Variants in HS3ST4 observed in about 807,000 individuals in gnomAD.
HS3ST4 encodes the protein heparan sulfate glucosamine 3-O-sulfotransferase 4.
HS3ST4 carries 17 observed loss-of-function variants against 29.2 expected under a neutral mutation model. The observed-to-expected ratio is 0.58, with a 90% confidence interval of 0.40 to 0.87. The LOEUF (loss-of-function observed/expected upper bound fraction) is 0.87, where lower values mean the gene tolerates loss of function less well. Among genes scored for constraint, HS3ST4 ranks in the 40% least tolerant of loss-of-function variants. The pLI, the probability that HS3ST4 is intolerant of heterozygous loss-of-function variation, is 0.00. For missense variants in HS3ST4, 627 were observed against 634.5 expected (o/e 0.99, Z 0.13); for synonymous variants, 314 against 285.7 (o/e 1.10, Z -1.00).
chr16:26,123,053 C>CA (rs111948307), intron 1 of HS3ST4, among the ~76,000 whole-genome samples: 1,468 of 122,088 alleles, frequency 0.012, 8 homozygotes, highest in East Asian at 0.076. Context: ...GACTCTGTCT[C>CA]AAAAAAAAAA....
At chr16:25,711,448 C>T (rs963510071) in intron 1 of HS3ST4, among the ~76,000 whole-genome samples, 6 of 152,118 alleles carry the variant, frequency 3.9e-5, no homozygotes, top group African/African-American at 1.4e-4. Context: ...TTCTCTGCTA[C>T]CTTGCTTAGA....
chr16:25,765,835 G>A (rs547013181), intron 1 of HS3ST4, among the ~76,000 whole-genome samples: 8 of 152,222 alleles, frequency 5.3e-5, no homozygotes, highest in East Asian at 3.9e-4. Flanking sequence ...CAGACAAAAC[G>A]TGTCACTTTG....
At position 25,882,664 on chromosome 16, in the gene HS3ST4, T is replaced by C. The variant is rs1462089257; in HGVS notation, c.734+189513T>C. On this transcript the variant is annotated intron_variant, in intron 1 of 1. Transcript: ENST00000331351. ...AGATTTTTCGAGCCACTGTTCCATC[T>C]TGAGGGCTTATGACTACTCTGAAAG... is the stretch of plus-strand genomic sequence containing the variant. Among the ~76,000 whole-genome samples, 4 of 152,318 alleles carry C rather than the reference T, an allele frequency of 2.6e-5. No individual in the cohort carries two copies. The East Asian group carries it at 7.7e-4, about 29-fold the overall frequency.
chr16:26,127,026 G>T (rs1273822421), intron 1 of HS3ST4, among the ~76,000 whole-genome samples: 1 of 152,084 alleles, frequency 6.6e-6, no homozygotes, highest in Non-Finnish European at 1.5e-5. Context: ...GTGTGATGGT[G>T]GTGGTGGTGG....
intron 1 of HS3ST4, among the ~76,000 whole-genome samples, chr16:25,730,379 TCCTC>T (rs1004432993): frequency 1.3e-4 from 19 of 146,940 alleles, no homozygotes; most frequent in African/African-American, 4.7e-4. Context: ...CTTCTTTCCT[TCCTC>T]CCCTCCCTCG....
intron 1 of HS3ST4, among the ~76,000 whole-genome samples, chr16:26,001,051 T>C (rs1969207559): frequency 6.6e-6 from 1 of 152,124 alleles, no homozygotes; most frequent in South Asian, 2.1e-4. Context: ...GATCCTGTAC[T>C]AGAGGGGAAA....
At chr16:25,745,691 T>G (rs539479168) in intron 1 of HS3ST4, among the ~76,000 whole-genome samples, 15 of 152,300 alleles carry the variant, frequency 9.8e-5, no homozygotes, top group African/African-American at 2.6e-4. Context: ...TCTCCTACTC[T>G]GGCCCCTAGA....
At position 26,116,978 on chromosome 16, in the gene HS3ST4, C is replaced by A. The variant is rs187972160; in HGVS notation, c.735-18634C>A. ...AATCTGAAACACTTCTGGTCCCAAG[C>A]ATTTTGGATAAAGTATATTCAACTT... On this transcript the variant is annotated intron_variant, in intron 1 of 1. Coordinates refer to ENST00000331351, the MANE Select transcript of HS3ST4 (RefSeq NM_006040.3). 2.8e-4 allele frequency among the ~76,000 whole-genome samples: 43 copies of A among 152,314 alleles called. 1 individual carries two copies. Among genetic ancestry groups the A allele is most frequent in the Non-Finnish European group, 8.8e-5 (6 of 68,024 alleles).
In HS3ST4 at chr16:25,773,187, T is replaced by C. The variant is rs142255463; in HGVS notation, c.734+80036T>C. On this transcript the variant is annotated intron_variant, in intron 1 of 1. Transcript: ENST00000331351. ...CTTATCTACCCACACTTCCCCAGTT[T>C]TGTTCCCAGACAGGATCTCTGCACA... Among the ~76,000 whole-genome samples the C allele has an allele frequency of 2.0e-5, 3 of 152,308 alleles. No homozygotes were observed. The East Asian group carries it at 5.8e-4, about 29-fold the overall frequency.
At chr16:25,808,422 C>T (rs750686351) in intron 1 of HS3ST4, among the ~76,000 whole-genome samples, 2 of 152,092 alleles carry the variant, frequency 1.3e-5, no homozygotes, top group Admixed American at 6.6e-5. Context: ...ATACTTTTGT[C>T]AAAAATTTGT....
chr16:25,744,628 A>G (rs746335979), intron 1 of HS3ST4, among the ~76,000 whole-genome samples: 3 of 152,162 alleles, frequency 2.0e-5, no homozygotes, highest in Non-Finnish European at 4.4e-5. Context: ...CACTGCATTT[A>G]CATTCTGATA....
chr16:25,803,338 T>C (rs1966958880), intron 1 of HS3ST4, among the ~76,000 whole-genome samples: 1 of 152,226 alleles, frequency 6.6e-6, no homozygotes, highest in South Asian at 2.1e-4. Flanking sequence ...TTCTTGCTCT[T>C]GACTTTAGTG....
intron 1 of HS3ST4, among the ~76,000 whole-genome samples, chr16:26,027,377 G>A (rs1567296743): frequency 6.6e-6 from 1 of 152,108 alleles, no homozygotes; most frequent in African/African-American, 2.4e-5. Context: ...AAAAGCCCAG[G>A]GATGCTTCCT....
intron 1 of HS3ST4, among the ~76,000 whole-genome samples, chr16:26,020,523 C>T (rs1969403073): frequency 1.3e-5 from 2 of 152,228 alleles, no homozygotes; most frequent in Non-Finnish European, 2.9e-5. Flanking sequence ...GAACTTGAAC[C>T]TGCATCAGAA....
At chr16:25,905,380 A>G (rs1968169001) in intron 1 of HS3ST4, among the ~76,000 whole-genome samples, 1 of 152,112 alleles carries the variant, frequency 6.6e-6, no homozygotes, top group Non-Finnish European at 1.5e-5. Flanking sequence ...AGGTGTGAAA[A>G]GAGGGGGTTC....
intron 1 of HS3ST4, among the ~76,000 whole-genome samples, chr16:25,874,907 A>G (rs1014193225): frequency 2.6e-5 from 4 of 152,138 alleles, no homozygotes; most frequent in Non-Finnish European, 5.9e-5. Context: ...GCTTCAATTT[A>G]CTTATCTGTA....
At chr16:26,077,554 GTTTA>G (rs1567307206) in intron 1 of HS3ST4, among the ~76,000 whole-genome samples, 1 of 152,156 alleles carries the variant, frequency 6.6e-6, no homozygotes, top group African/African-American at 2.4e-5. Context: ...CATGTTACAC[GTTTA>G]TTTGTGATAT....
At chr16:25,922,287 G>A (rs1968361704) in intron 1 of HS3ST4, among the ~76,000 whole-genome samples, 1 of 152,174 alleles carries the variant, frequency 6.6e-6, no homozygotes, top group Non-Finnish European at 1.5e-5. Context: ...CATAAGGGTA[G>A]AGCCTTTATG....
At chr16:25,889,844 C>T (rs544904259) in intron 1 of HS3ST4, among the ~76,000 whole-genome samples, 1 of 152,020 alleles carries the variant, frequency 6.6e-6, no homozygotes, top group Admixed American at 6.6e-5. Flanking sequence ...CTGTGCTGTT[C>T]TCTGATAGTG....
Sources: gnomAD v4.1 joint callset for allele counts (sites outside exome capture counted in the v4.1 genomes callset) on GRCh38, gnomAD v4.1.1 for gene constraint, MANE v1.5 for transcripts, NCBI Gene and HGNC (gene_info 2026-07-23, HGNC 2026-07-21) for gene names.